Variants in EIF2B3 observed in about 807,000 individuals in gnomAD.
The protein encoded by EIF2B3 is eukaryotic translation initiation factor 2B subunit gamma.
EIF2B3 carries 20 observed loss-of-function variants against 54.1 expected under a neutral mutation model. That is an observed-to-expected ratio of 0.37 (90% confidence interval 0.26 to 0.54). EIF2B3 has a LOEUF of 0.54. Ranked by LOEUF, EIF2B3 falls within the 20% of genes least tolerant of loss-of-function variation. The probability of loss-of-function intolerance (pLI) is 0.86; values close to 1 mark genes in which losing one functional copy is unlikely to be tolerated. For missense variants in EIF2B3, 448 were observed against 547.8 expected (o/e 0.82, Z 1.82); for synonymous variants, 153 against 188.1 (o/e 0.81, Z 1.52).
At chr1:44,883,235 G>A (rs896929124) in intron 6 of EIF2B3, among the ~76,000 whole-genome samples, 1 of 151,872 alleles carries the variant, frequency 6.6e-6, no homozygotes, top group African/African-American at 2.4e-5. Context: ...ACCATGCCTA[G>A]CCAGAAATTT....
intron 5 of EIF2B3, among the ~76,000 whole-genome samples, chr1:44,912,600 C>A (rs1386564753): frequency 1.3e-5 from 2 of 152,178 alleles, no homozygotes; most frequent in Non-Finnish European, 2.9e-5. Context: ...ATATAGGATT[C>A]AGCTGGCTTC....
Position 44,879,830 on chromosome 1 carries a change from T to C in EIF2B3, c.963A>G (p.Glu321=). The C allele has an allele frequency of 6.2e-7, 1 of 1,613,920 alleles. No homozygotes were observed. The highest frequency in any genetic ancestry group is 8.5e-7 in the Non-Finnish European group (1 of 1,180,018). ...SRVSTLGLYM[E]ANRQVPKLLS... is the part of the protein sequence containing the mutation. Reference sequence around the variant, plus strand: ...CTCATGCTCTCACCTGTCTGTTTGCTTCCATGTAGAGTCCCAGTGTGCTCA... The same window carrying C: ...CTCATGCTCTCACCTGTCTGTTTGCCTCCATGTAGAGTCCCAGTGTGCTCA... Residue 321 remains glutamate (E), a synonymous_variant, in exon 8 of 12, where the codon GAA becomes GAG. Transcript: ENST00000360403.
Position 44,857,763 on chromosome 1 carries a change from T to C in EIF2B3, c.1247A>G (p.Glu416Gly), listed in dbSNP as rs754879236. The change falls in exon 11 of 12, where the codon GAG (glutamate) becomes GGG (glycine). Residue 416 changes from glutamate to glycine, a missense_variant. This residue lies in a region of EIF2B3 where 350 missense variants were observed against 414.2 expected (regional missense o/e 0.85). Coordinates refer to ENST00000360403, the MANE Select transcript of EIF2B3 (RefSeq NM_020365.5). ...GCAGTCCTTGATGTCTGCACCCTTC[T>C]CGATCACAGCATTGTTGCAGATGAC... ...GSVICNNAVI[E>G]KGADIKDCLI... is the part of the protein sequence containing the mutation. The C allele has an allele frequency of 6.2e-7, 1 of 1,614,160 alleles. No homozygotes were observed. The highest frequency in any genetic ancestry group is 1.1e-5 in the South Asian group (1 of 91,086).
intron 9 of EIF2B3, 97 bp from the exon 10 acceptor site, chr1:44,874,923 A>G (rs1655073489): frequency 6.8e-7 from 1 of 1,460,192 alleles, no homozygotes; most frequent in Non-Finnish European, 9.6e-7. Flanking sequence ...GGATCTTTCC[A>G]TAGAGACACT....
chr1:44,858,979 C>T (rs1486521352), intron 10 of EIF2B3, among the ~76,000 whole-genome samples: 2 of 152,168 alleles, frequency 1.3e-5, no homozygotes, highest in African/African-American at 4.8e-5. Flanking sequence ...GCGCCACTTG[C>T]TCACAGCATT....
chr1:44,954,125 G>A (rs1228469413), intron 3 of EIF2B3, among the ~76,000 whole-genome samples: 1 of 152,110 alleles, frequency 6.6e-6, no homozygotes, highest in Non-Finnish European at 1.5e-5. Context: ...AAATACAATA[G>A]TTCTTCATAT....
At chr1:44,985,221 G>A (rs376902582) in intron 1 of EIF2B3, among the ~76,000 whole-genome samples, 1 of 152,206 alleles carries the variant, frequency 6.6e-6, no homozygotes, top group Non-Finnish European at 1.5e-5. Flanking sequence ...TCTGGTCTCT[G>A]CACTGCTACT....
chr1:44,926,138 G>C (rs1021512612), intron 5 of EIF2B3, among the ~76,000 whole-genome samples: 1 of 151,956 alleles, frequency 6.6e-6, no homozygotes, highest in Non-Finnish European at 1.5e-5. Flanking sequence ...TGAGGCAGGA[G>C]AATCACTTGA....
chr1:44,952,556 ATTTT>A (rs34153088), intron 3 of EIF2B3, among the ~76,000 whole-genome samples: 1 of 141,506 alleles, frequency 7.1e-6, no homozygotes, highest in African/African-American at 2.6e-5. Context: ...CTTTTCTCCA[ATTTT>A]TTTTTTTTTT....
At chr1:44,874,578 G>T in intron 10 of EIF2B3, 100 bp downstream of exon 10, 2 of 1,334,228 alleles carry the variant, frequency 1.5e-6, no homozygotes, top group Non-Finnish European at 2.1e-6. Flanking sequence ...TTAGCACTTT[G>T]CCTGGGTATA....
intron 5 of EIF2B3, among the ~76,000 whole-genome samples, chr1:44,900,802 T>G (rs544294488): frequency 6.6e-6 from 1 of 152,310 alleles, no homozygotes; most frequent in African/African-American, 2.4e-5. Flanking sequence ...AGTTTTGGTC[T>G]GCATTTCCCT....
chr1:44,950,674 G>A (rs1471529024), intron 3 of EIF2B3, among the ~76,000 whole-genome samples: 17 of 151,994 alleles, frequency 1.1e-4, no homozygotes, highest in Admixed American at 1.1e-3. Flanking sequence ...ACTTCAATAA[G>A]TATAAGGTGT....
rs569146806 is a variant in EIF2B3 at position 44,943,643 on chromosome 1, C to T, written c.295-1978G>A. Among the ~76,000 whole-genome samples, 6 of 150,578 alleles carry T rather than the reference C, an allele frequency of 4.0e-5. No individual in the cohort carries two copies. The South Asian group carries it at 8.4e-4, about 21-fold the overall frequency. Reference sequence around the variant, plus strand: ...CTTCCTATGTTTCCCAGGCTGGACTCGAACTCCTGGACTCAAGCAATTTGC... The same window carrying T: ...CTTCCTATGTTTCCCAGGCTGGACTTGAACTCCTGGACTCAAGCAATTTGC... On this transcript the variant is annotated intron_variant, in intron 3 of 11. Transcript: ENST00000360403.
intron 10 of EIF2B3, among the ~76,000 whole-genome samples, chr1:44,870,304 C>A (rs1485161747): frequency 2.0e-5 from 3 of 152,156 alleles, no homozygotes; most frequent in Non-Finnish European, 4.4e-5. Context: ...TACCAGACAT[C>A]TCCACATACT....
chr1:44,878,559 G>A (rs890672166), intron 8 of EIF2B3, among the ~76,000 whole-genome samples: 4 of 151,992 alleles, frequency 2.6e-5, no homozygotes, highest in African/African-American at 7.3e-5. Context: ...CACTGTGCCC[G>A]GCCTCAATCC....
At position 44,905,487 on chromosome 1, in the gene EIF2B3, C is replaced by T. The variant is rs142054875; in HGVS notation, c.567-8043G>A. The stretch of plus-strand genomic sequence containing the variant: ...ATACATACACTACTCTACGAGCTTC[C>T]GTAATTGTGTAATAAATCCTTTATT... On this transcript the variant is annotated intron_variant, in intron 5 of 11. Transcript: ENST00000360403. Among the ~76,000 whole-genome samples the T allele has an allele frequency of 6.3e-3, 957 of 152,180 alleles. 11 individuals carry two copies. Among genetic ancestry groups the T allele is most frequent in the African/African-American group, 0.022 (910 of 41,510 alleles).
rs182917919 is a variant in EIF2B3 at position 44,975,316 on chromosome 1, G to A, written c.294+2999C>T. Among the ~76,000 whole-genome samples, 25 of 152,268 alleles carry A rather than the reference G, an allele frequency of 1.6e-4. 1 individual carries two copies. The East Asian group carries it at 3.9e-3, about 24-fold the overall frequency. Reference sequence around the variant, plus strand: ...CAATTATGTGTTACTTAATGACAGCGATATGTTCTGAGAAATCCGGTATGT... The same window carrying A: ...CAATTATGTGTTACTTAATGACAGCAATATGTTCTGAGAAATCCGGTATGT... On this transcript the variant is annotated intron_variant, in intron 3 of 11. Coordinates refer to ENST00000360403, the MANE Select transcript of EIF2B3 (RefSeq NM_020365.5).
chr1:44,857,773 C>T lies in EIF2B3; in HGVS notation c.1237G>A (p.Ala413Thr). 1 of 1,614,132 alleles carries T rather than the reference C, an allele frequency of 6.2e-7. No individual in the cohort carries two copies. Among genetic ancestry groups the T allele is most frequent in the Admixed American group, 1.7e-5 (1 of 60,018 alleles). Residue 413 changes from alanine to threonine, a missense_variant, in exon 11 of 12, where the codon GCT (alanine) becomes ACT (threonine). By Grantham distance (58) the Ala-to-Thr change is moderately conservative. This residue lies in a region of EIF2B3 where 350 missense variants were observed against 414.2 expected (regional missense o/e 0.85). Coordinates refer to ENST00000360403, the MANE Select transcript of EIF2B3 (RefSeq NM_020365.5). ...NIQGSVICNN[A>T]VIEKGADIKD... is the part of the protein sequence containing the mutation. Reference sequence around the variant, plus strand: ...ATGTCTGCACCCTTCTCGATCACAGCATTGTTGCAGATGACACTGCCTTGG... The same window carrying T: ...ATGTCTGCACCCTTCTCGATCACAGTATTGTTGCAGATGACACTGCCTTGG...
At position 44,879,809 on chromosome 1, in the gene EIF2B3, T is replaced by G; in HGVS notation, c.975+9A>C. On this transcript the variant is annotated intron_variant, in intron 8 of 11. Transcript: ENST00000360403. ...AAGAGCCCCATGATTTTCTAACTCATGCTCTCACCTGTCTGTTTGCTTCCA... is the reference window on the plus strand; with the variant it reads ...AAGAGCCCCATGATTTTCTAACTCAGGCTCTCACCTGTCTGTTTGCTTCCA... 6.2e-7 allele frequency: 1 copy of G among 1,613,278 alleles called. No individual in the cohort carries two copies. Among genetic ancestry groups the G allele is most frequent in the Middle Eastern group, 1.8e-4 (1 of 5,414 alleles).
Sources: allele counts gnomAD v4.1 joint callset (sites outside exome capture counted in the v4.1 genomes callset), GRCh38; gene constraint gnomAD v4.1.1; regional missense constraint gnomAD v4.1.1; transcripts MANE v1.5; gene names NCBI Gene and HGNC (gene_info 2026-07-23, HGNC 2026-07-21).